The following ACYP2 variants were observed in gnomAD, a reference collection of about 807,000 sequenced individuals.
ACYP2 encodes the protein acylphosphatase 2, also known as acylphosphatase-2.
In ACYP2, 12 loss-of-function variants were observed where a neutral mutation model predicts 11.2. The observed-to-expected ratio is 1.08, with a 90% CI of 0.69 to 1.74. The LOEUF (loss-of-function observed/expected upper bound fraction) is 1.74, where lower values mean the gene tolerates loss of function less well. Ranked by LOEUF, ACYP2 falls within the 40% of genes most tolerant of loss-of-function variation. ACYP2 has a pLI of 0.00. For missense variants in ACYP2, 134 were observed against 101.9 expected, an observed-to-expected ratio of 1.31 and a Z score of -1.35; for synonymous variants, 43 against 32.2, an observed-to-expected ratio of 1.33 and a Z score of -1.13.
chr2:54,218,354 A>ACCTGTGCTTAGT (rs1353349590), intron 6 of ACYP2, among the ~76,000 whole-genome samples: 13 of 152,136 alleles, frequency 8.5e-5, no homozygotes, highest in Admixed American at 8.5e-4. Flanking sequence ...TATATTGTAT[A>ACCTGTGCTTAGT]CCTGTGCTTA....
chr2:53,978,602 C>G (rs547242347), intron 2 of ACYP2, among the ~76,000 whole-genome samples: 1 of 152,278 alleles, frequency 6.6e-6, no homozygotes, highest in African/African-American at 2.4e-5. Context: ...GAGTATAGCA[C>G]AGGCTGGGGG....
chr2:54,078,615 T>C (rs959724293), intron 4 of ACYP2, among the ~76,000 whole-genome samples: 28 of 151,912 alleles, frequency 1.8e-4, no homozygotes, highest in Non-Finnish European at 3.5e-4. Context: ...TTTTTTTTTT[T>C]TTGAGATGGA....
chr2:54,162,337 C>T (rs1682755610), intron 6 of ACYP2, among the ~76,000 whole-genome samples: 1 of 152,132 alleles, frequency 6.6e-6, no homozygotes, highest in Non-Finnish European at 1.5e-5. Flanking sequence ...TAACAGCTAC[C>T]TTCTTGTAAC....
chr2:53,992,847 A>AT (rs56193448), intron 2 of ACYP2, among the ~76,000 whole-genome samples: 3 of 151,234 alleles, frequency 2.0e-5, no homozygotes, highest in Non-Finnish European at 4.4e-5. Flanking sequence ...AAAAAAAAAA[A>AT]GTTTTCCAGT....
chr2:54,211,821 G>T (rs1685340001), intron 6 of ACYP2, among the ~76,000 whole-genome samples: 1 of 152,142 alleles, frequency 6.6e-6, no homozygotes, highest in Admixed American at 6.5e-5. Flanking sequence ...TAATTGACCA[G>T]CAGGGTAAGA....
chr2:54,267,809 G>C (rs776975319), intron 6 of ACYP2, among the ~76,000 whole-genome samples: 19 of 151,502 alleles, frequency 1.3e-4, no homozygotes, highest in Non-Finnish European at 2.8e-4. Flanking sequence ...AACAAGCAGA[G>C]TTATTTCTGC....
In ACYP2 at chr2:54,011,931, T is replaced by C. The variant is rs116209352; in HGVS notation, c.62+38121T>C. The stretch of plus-strand genomic sequence containing the variant: ...TTAACTTGAACTGTACCTATGAACA[T>C]TTCTGATTTAAAATACTCCTGGGGC... On this transcript the variant is annotated intron_variant, in intron 2 of 6. Coordinates refer to ENST00000607452, the MANE Select transcript of ACYP2 (RefSeq NM_001320586.2). 8.4e-3 allele frequency among the ~76,000 whole-genome samples: 1,281 copies of C among 152,188 alleles called. 26 individuals carry two copies. Among genetic ancestry groups the C allele is most frequent in the African/African-American group, 0.029 (1,200 of 41,550 alleles).
chr2:54,097,860 TTCTTTC>T (rs1356997888), intron 4 of ACYP2, among the ~76,000 whole-genome samples: 6 of 119,366 alleles, frequency 5.0e-5, no homozygotes, highest in Non-Finnish European at 1.1e-4. Flanking sequence ...TCTTCTTTCT[TTCTTTC>T]TCTTTCTCTC....
At chr2:54,099,291 A>T (rs542162848) in intron 4 of ACYP2, among the ~76,000 whole-genome samples, 7 of 152,354 alleles carry the variant, frequency 4.6e-5, no homozygotes, top group Non-Finnish European at 7.3e-5. Flanking sequence ...TGGTGAGAAC[A>T]CTTCGAATCT....
At chr2:54,058,415 C>T (rs1276313473) in intron 4 of ACYP2, among the ~76,000 whole-genome samples, 1 of 151,764 alleles carries the variant, frequency 6.6e-6, no homozygotes, top group Non-Finnish European at 1.5e-5. Flanking sequence ...CATTATACAC[C>T]TATGTCTTCA....
intron 6 of ACYP2, among the ~76,000 whole-genome samples, chr2:54,143,731 C>A (rs1474893738): frequency 9.2e-6 from 1 of 109,286 alleles, no homozygotes; most frequent in Non-Finnish European, 1.7e-5. Flanking sequence ...CATACCCAGC[C>A]GGTTTTTTTT....
rs189677406 is a variant in ACYP2 at position 54,105,415 on chromosome 2, A to G, written c.278-30038A>G. Among the ~76,000 whole-genome samples the G allele has an allele frequency of 2.3e-3, 346 of 152,210 alleles. 3 individuals carry two copies. Among genetic ancestry groups the G allele is most frequent in the African/African-American group, 5.2e-3 (214 of 41,512 alleles). ...TCCATTCTTCAGCGATCACTTCCCC[A>G]GAGACCTTCCCAGACAACCTCTCTA... On this transcript the variant is annotated intron_variant, in intron 4 of 6. Transcript: ENST00000607452.
At chr2:54,133,136 A>G (rs1481334837) in intron 4 of ACYP2, among the ~76,000 whole-genome samples, 1 of 152,012 alleles carries the variant, frequency 6.6e-6, no homozygotes. Flanking sequence ...TTCACCCCCC[A>G]TTGTAGCACT....
intron 4 of ACYP2, among the ~76,000 whole-genome samples, chr2:54,091,482 C>T (rs933014072): frequency 3.4e-5 from 5 of 146,012 alleles, no homozygotes; most frequent in Non-Finnish European, 6.0e-5. Flanking sequence ...ACATCTCACT[C>T]TCTTGATTTT....
At position 53,976,852 on chromosome 2, in the gene ACYP2, A is replaced by G. The variant is rs558061873; in HGVS notation, c.62+3042A>G. Among the ~76,000 whole-genome samples the G allele has an allele frequency of 5.3e-5, 8 of 152,318 alleles. No individual in the cohort carries two copies. In the South Asian group the frequency reaches 1.7e-3, roughly 32 times the overall value. On this transcript the variant is annotated intron_variant, in intron 2 of 6. Transcript: ENST00000607452. ...TCATTATTTTAGGCATTTGTTAGGC[A>G]TTCTGTCATTTCACTAAAATGTAGC... is the stretch of plus-strand genomic sequence containing the variant.
intron 4 of ACYP2, among the ~76,000 whole-genome samples, chr2:54,089,591 T>G (rs544191962): frequency 6.5e-4 from 99 of 151,344 alleles, no homozygotes; most frequent in Non-Finnish European, 1.3e-3. Flanking sequence ...AATTAAAAAA[T>G]TAGTTGGGCA....
At chr2:54,273,723 G>T (rs1688419189) in intron 6 of ACYP2, among the ~76,000 whole-genome samples, 1 of 152,122 alleles carries the variant, frequency 6.6e-6, no homozygotes, top group African/African-American at 2.4e-5. Flanking sequence ...GCCTCGACCT[G>T]CCAGTGTTGG....
intron 4 of ACYP2, among the ~76,000 whole-genome samples, chr2:54,057,712 A>T (rs976840044): frequency 3.3e-5 from 5 of 152,096 alleles, no homozygotes; most frequent in Non-Finnish European, 7.3e-5. Flanking sequence ...TTGTTAGCAA[A>T]AATATATATA....
At chr2:54,152,321 G>A (rs1682217933) in intron 6 of ACYP2, among the ~76,000 whole-genome samples, 2 of 151,782 alleles carry the variant, frequency 1.3e-5, no homozygotes, top group Non-Finnish European at 2.9e-5. Flanking sequence ...ATGGGATCTC[G>A]CTATGTTTCC....
Sources: gnomAD v4.1 joint callset for allele counts (sites outside exome capture counted in the v4.1 genomes callset) on GRCh38, gnomAD v4.1.1 for gene constraint, MANE v1.5 for transcripts, NCBI Gene and HGNC (gene_info 2026-07-23, HGNC 2026-07-21) for gene names.